Variants in CLEC12B observed in about 807,000 individuals in gnomAD.
CLEC12B encodes C-type lectin domain family 12 member B, also known as macrophage antigen h.
CLEC12B carries 25 observed loss-of-function variants against 36.1 expected under a neutral mutation model. That is an observed-to-expected ratio of 0.69 (90% confidence interval 0.50 to 0.97). CLEC12B has a LOEUF of 0.97. Among genes scored for constraint, CLEC12B ranks in the 50% least tolerant of loss-of-function variants. The pLI, the probability that CLEC12B is intolerant of heterozygous loss-of-function variation, is 0.00. For synonymous variants in CLEC12B, 110 were observed against 108.5 expected (o/e 1.01, Z -0.09); for missense variants, 325 against 318.4 (o/e 1.02, Z -0.16).
chr12:10,012,216 A>G (rs1429108430), intron 1 of CLEC12B, among the ~76,000 whole-genome samples: 1 of 152,232 alleles, frequency 6.6e-6, no homozygotes, highest in Non-Finnish European at 1.5e-5. Flanking sequence ...ATCCACTTTT[A>G]CAAGGCAGAT....
At chr12:10,015,438 C>T (rs1312724929) in intron 4 of CLEC12B, 32 bp downstream of exon 4, 2 of 1,593,996 alleles carry the variant, frequency 1.3e-6, no homozygotes, top group Non-Finnish European at 1.7e-6. Context: ...TAGTTATAGA[C>T]ATTATCCATA....
At chr12:10,017,484 T>A in intron 5 of CLEC12B, 1 of 985,376 alleles carries the variant, frequency 1.0e-6, no homozygotes, top group Non-Finnish European at 1.2e-6. Context: ...AATCAAAGTG[T>A]GGAGGAGGTG....
upstream of CLEC12B, among the ~76,000 whole-genome samples, chr12:10,010,200 T>TCTCACACACACACACA (rs370060573): frequency 4.8e-5 from 7 of 145,912 alleles, no homozygotes; most frequent in African/African-American, 1.8e-4. Flanking sequence ...TGTCTCTCTC[T>TCTCACACACACACACA]CACACACACA....
intron 2 of CLEC12B, 88 bp downstream of exon 2, chr12:10,012,971 T>C (rs563767272): frequency 3.2e-6 from 3 of 931,250 alleles, no homozygotes; most frequent in African/African-American, 1.6e-5. Flanking sequence ...AGATGGGTCC[T>C]AGCATCCTGA....
chr12:10,016,207 C>T (rs1372571627), intron 5 of CLEC12B: 2 of 154,862 alleles, frequency 1.3e-5, no homozygotes, highest in African/African-American at 2.4e-5. Context: ...TTTATTTATA[C>T]TAAATAACTG....
chr12:10,010,402 T>C (rs1209317663), upstream of CLEC12B, among the ~76,000 whole-genome samples: 4 of 152,200 alleles, frequency 2.6e-5, no homozygotes, highest in Non-Finnish European at 5.9e-5. Context: ...CCTGACTCTT[T>C]TCTGAAACAT....
At chr12:10,013,961 A>G (rs1294520360) in intron 2 of CLEC12B, among the ~76,000 whole-genome samples, 1 of 152,226 alleles carries the variant, frequency 6.6e-6, no homozygotes, top group Non-Finnish European at 1.5e-5. Flanking sequence ...TTTCTTTTCT[A>G]AAATTTAGTG....
Position 10,010,722 on chromosome 12 carries a change from C to T in CLEC12B, c.-38C>T, listed in dbSNP as rs1865306545. On this transcript the variant is annotated 5_prime_UTR_variant, in exon 1 of 6. Coordinates refer to ENST00000338896, the MANE Select transcript of CLEC12B (RefSeq NM_001129998.3). ...GTTCCCAGGCCTCAAGATATTGAAA[C>T]ATTAATTAGATAATTTAAAGTAGCG... 7.4e-7 allele frequency: 1 copy of T among 1,344,564 alleles called. No homozygotes were observed. The highest frequency in any genetic ancestry group is 1.1e-6 in the Non-Finnish European group (1 of 941,976). The allele number at this position is 1,344,564 out of a possible 1,614,324, so 83.3% of individuals were successfully genotyped here.
chr12:10,015,755 A>G, intron 5 of CLEC12B, 28 bp downstream of exon 5: 2 of 1,605,732 alleles, frequency 1.2e-6, no homozygotes, highest in Non-Finnish European at 1.7e-6. Context: ...GAGGGTAAAC[A>G]CAAGCTTTCC....
chr12:10,007,611 A>G (rs1865246341), upstream of CLEC12B, among the ~76,000 whole-genome samples: 1 of 152,248 alleles, frequency 6.6e-6, no homozygotes, highest in African/African-American at 2.4e-5. Flanking sequence ...AGAGTCTGAG[A>G]AAGAAAAAGA....
chr12:10,014,635 C>G lies in CLEC12B; in HGVS notation c.303C>G (p.Asn101Lys). 6.2e-7 allele frequency: 1 copy of G among 1,613,568 alleles called. No homozygotes were observed. The highest frequency in any genetic ancestry group is 8.5e-7 in the Non-Finnish European group (1 of 1,179,528). Reference sequence around the variant, plus strand: ...CCCAGCAACTGGGCAACTCCAACAACTTGTCCATGGAGGAGGAATTTCTCA... The same window carrying G: ...CCCAGCAACTGGGCAACTCCAACAAGTTGTCCATGGAGGAGGAATTTCTCA... ...NLSQQLGNSNNLSMEEEFLKS... is the reference protein window; with the variant it reads ...NLSQQLGNSNKLSMEEEFLKS... The change falls in exon 3 of 6, where the codon AAC (asparagine) becomes AAG (lysine). Residue 101 changes from asparagine to lysine, a missense_variant. Coordinates refer to ENST00000338896, the MANE Select transcript of CLEC12B (RefSeq NM_001129998.3).
Position 10,012,817 on chromosome 12 carries a change from G to C in CLEC12B, c.124G>C (p.Ala42Pro). The change falls in exon 2 of 6, where the codon GCT becomes CCT. Residue 42 changes from alanine to proline, a missense_variant. Transcript: ENST00000338896. ...HPAPSPIWRH[A>P]ALGLVTLCLM... The stretch of plus-strand genomic sequence containing the variant: ...AGCTCCATCTCCCATTTGGCGTCAT[G>C]CTGCTCTGGGTCTGGTAACTCTTTG... The C allele has an allele frequency of 1.9e-6, 3 of 1,613,738 alleles. No homozygotes were observed. Among genetic ancestry groups the C allele is most frequent in the Non-Finnish European group, 2.5e-6 (3 of 1,179,856 alleles).
upstream of CLEC12B, among the ~76,000 whole-genome samples, chr12:10,006,980 G>T (rs1371118615): frequency 1.3e-5 from 2 of 151,960 alleles, no homozygotes; most frequent in Non-Finnish European, 2.9e-5. Context: ...GCATGAACCT[G>T]GGAGGCGGAG....
upstream of CLEC12B, among the ~76,000 whole-genome samples, chr12:10,007,756 G>C (rs1591859566): frequency 6.6e-6 from 1 of 152,354 alleles, no homozygotes; most frequent in East Asian, 1.9e-4. Context: ...GCACAGAGTA[G>C]GTAGGGTTGG....
chr12:10,015,415 GAGTCTCATTCTCT>G lies in CLEC12B; in HGVS notation c.564+13_564+25del. 1 of 1,609,124 alleles carries G rather than the reference GAGTCTCATTCTCT, an allele frequency of 6.2e-7. No individual in the cohort carries two copies. The highest frequency in any genetic ancestry group is 8.5e-7 in the Non-Finnish European group (1 of 1,178,002). ...ACAGTTTGGAAGAAAAGGTAGGATT[GAGTCTCATTCTCT>G]AGTTATAGACATTATCCATACAATG... is the stretch of plus-strand genomic sequence containing the variant. On this transcript the variant is annotated intron_variant, in intron 4 of 5. Transcript: ENST00000338896.
Position 10,018,453 on chromosome 12 carries a change from C to T in CLEC12B, c.803C>T (p.Ala268Val), listed in dbSNP as rs1865540960. ...EIFWICEKTA[A>V]PVKTEDLD The stretch of plus-strand genomic sequence containing the variant: ...TTTTGGATTTGCGAGAAGACAGCTG[C>T]CCCAGTGAAGACTGAGGATTTGGAT... Residue 268 changes from alanine (A) to valine (V), a missense_variant, in exon 6 of 6, where the codon GCC becomes GTC. Physicochemically the swap from Ala to Val is moderately conservative, Grantham distance 64. Transcript: ENST00000338896. 21 of 1,550,750 alleles carry T rather than the reference C, an allele frequency of 1.4e-5. No homozygotes were observed. Among genetic ancestry groups the T allele is most frequent in the Non-Finnish European group, 1.7e-5 (20 of 1,146,592 alleles).
chr12:10,015,881 T>A, intron 5 of CLEC12B, 154 bp downstream of exon 5: 1 of 1,449,428 alleles, frequency 6.9e-7, no homozygotes, highest in Non-Finnish European at 9.0e-7. Context: ...GGAGGTATAG[T>A]TCATTTCATC....
At chr12:10,012,384 T>A (rs1865349522) in intron 1 of CLEC12B, among the ~76,000 whole-genome samples, 1 of 152,182 alleles carries the variant, frequency 6.6e-6, no homozygotes, top group Non-Finnish European at 1.5e-5. Flanking sequence ...ACCTTGAAAT[T>A]AGGAGAAGCT....
At chr12:10,006,508 A>G (rs554561032), upstream of CLEC12B, among the ~76,000 whole-genome samples, 31 of 151,980 alleles carry the variant, frequency 2.0e-4, no homozygotes, top group African/African-American at 7.0e-4. Flanking sequence ...AGGACACAAC[A>G]ACATCTTAAA....
Sources: allele counts gnomAD v4.1 joint callset (sites outside exome capture counted in the v4.1 genomes callset), GRCh38; gene constraint gnomAD v4.1.1; transcripts MANE v1.5; gene names NCBI Gene and HGNC (gene_info 2026-07-23, HGNC 2026-07-21).